The following KHDRBS2 variants were observed in gnomAD, a reference collection of about 807,000 sequenced individuals.
KHDRBS2 encodes KH domain-containing, RNA-binding, signal transduction-associated protein 2.
KHDRBS2 carries 26 observed loss-of-function variants against 44.3 expected under a neutral mutation model. The ratio of observed to expected loss-of-function variants is 0.59; its 90% confidence interval spans 0.43 to 0.81. The LOEUF (loss-of-function observed/expected upper bound fraction) is 0.81, where lower values mean the gene tolerates loss of function less well. KHDRBS2 is among the 40% of genes least tolerant of loss of function. The pLI is 0.00. For missense variants in KHDRBS2, 476 were observed against 433.1 expected, an observed-to-expected ratio of 1.10 and a Z score of -0.88; for synonymous variants, 194 against 151.1, an observed-to-expected ratio of 1.28 and a Z score of -2.08.
intron 2 of KHDRBS2, among the ~76,000 whole-genome samples, chr6:62,154,290 C>T (rs1232478392): frequency 1.3e-5 from 2 of 152,120 alleles, no homozygotes; most frequent in Non-Finnish European, 2.9e-5. Flanking sequence ...TGGATAGCTC[C>T]CTTTCCCATC....
chr6:61,706,553 T>C (rs1307280015), intron 7 of KHDRBS2, among the ~76,000 whole-genome samples: 1 of 151,738 alleles, frequency 6.6e-6, no homozygotes, highest in East Asian at 1.9e-4. Flanking sequence ...TCATTCTCTT[T>C]TACTACTTCT....
chr6:61,903,899 A>G (rs1804504341), intron 4 of KHDRBS2, among the ~76,000 whole-genome samples: 1 of 152,162 alleles, frequency 6.6e-6, no homozygotes, highest in Admixed American at 6.5e-5. Flanking sequence ...TGAGGATTGA[A>G]TCTCCAGATA....
the KHDRBS2 span, among the ~76,000 whole-genome samples, chr6:61,544,358 C>G: frequency 6.6e-6 from 1 of 152,012 alleles, no homozygotes; most frequent in Non-Finnish European, 1.5e-5. Flanking sequence ...AACTAAGAGT[C>G]TTATGGAACC....
chr6:61,950,469 G>A (rs1037626980), intron 4 of KHDRBS2, among the ~76,000 whole-genome samples: 5 of 151,864 alleles, frequency 3.3e-5, no homozygotes, highest in Non-Finnish European at 5.9e-5. Flanking sequence ...TATAGATAGA[G>A]CTTCCTTATG....
chr6:62,013,702 G>T (rs1221990714), intron 3 of KHDRBS2, among the ~76,000 whole-genome samples: 1 of 152,114 alleles, frequency 6.6e-6, no homozygotes, highest in Non-Finnish European at 1.5e-5. Flanking sequence ...GCCTTTACAG[G>T]CATCCGTCCT....
At chr6:62,139,928 T>C (rs888696778) in intron 2 of KHDRBS2, among the ~76,000 whole-genome samples, 4 of 152,010 alleles carry the variant, frequency 2.6e-5, no homozygotes, top group Non-Finnish European at 2.9e-5. Flanking sequence ...CCTTTCGCTT[T>C]TGTCCTGAGA....
intron 2 of KHDRBS2, among the ~76,000 whole-genome samples, chr6:62,129,736 T>C (rs559941021): frequency 1.7e-4 from 26 of 152,272 alleles, no homozygotes; most frequent in Admixed American, 9.8e-4. Context: ...TCACTTTTAC[T>C]AGCCATATTT....
intron 1 of KHDRBS2, among the ~76,000 whole-genome samples, chr6:62,237,621 T>C (rs1457008218): frequency 6.6e-6 from 1 of 152,186 alleles, no homozygotes; most frequent in Non-Finnish European, 1.5e-5. Context: ...ATTATAAAAG[T>C]ATTTTATAAT....
chr6:61,771,944 A>T (rs1180911243), intron 6 of KHDRBS2, among the ~76,000 whole-genome samples: 1 of 152,062 alleles, frequency 6.6e-6, no homozygotes, highest in Admixed American at 6.6e-5. Flanking sequence ...GAAGTAAAGC[A>T]CTCTTCAGCA....
the KHDRBS2 span, among the ~76,000 whole-genome samples, chr6:61,624,189 G>A: frequency 6.6e-6 from 1 of 152,142 alleles, no homozygotes; most frequent in African/African-American, 2.4e-5. Context: ...CAGACAAAAC[G>A]ATTTGTCCAG....
rs1812778837 is a variant in KHDRBS2, at chr6:61,944,407, A to G, written c.483+33659T>C. ...TTAAGTGAAGTAATCAGGGCACAGA[A>G]GGATAAATACTACATTTGCATGCAT... On this transcript the variant is annotated intron_variant, in intron 4 of 8. Coordinates refer to ENST00000281156, the MANE Select transcript of KHDRBS2 (RefSeq NM_152688.4). Among the ~76,000 whole-genome samples, 6 of 152,260 alleles carry G rather than the reference A, an allele frequency of 3.9e-5. No individual in the cohort carries two copies. In the South Asian group the frequency reaches 1.2e-3, roughly 32 times the overall value.
At chr6:61,661,274 G>C in the KHDRBS2 span, 14 of 151,788 alleles carry the variant, frequency 9.2e-5, no homozygotes, top group African/African-American at 3.1e-4. Flanking sequence ...ATAGATGAAG[G>C]GACTCACCTC....
chr6:62,275,051 T>A (rs567976795), intron 1 of KHDRBS2, among the ~76,000 whole-genome samples: 3 of 138,828 alleles, frequency 2.2e-5, no homozygotes, highest in Admixed American at 7.2e-5. Flanking sequence ...ACATATATAT[T>A]CCACTCATTT....
At chr6:62,146,434 A>G (rs1161781823) in intron 2 of KHDRBS2, among the ~76,000 whole-genome samples, 3 of 151,068 alleles carry the variant, frequency 2.0e-5, no homozygotes, top group Admixed American at 1.3e-4. Flanking sequence ...ATTAAATCTT[A>G]TTTTTAAGTA....
intron 2 of KHDRBS2, among the ~76,000 whole-genome samples, chr6:62,096,687 T>G (rs1164593553): frequency 6.6e-6 from 1 of 151,896 alleles, no homozygotes; most frequent in Non-Finnish European, 1.5e-5. Context: ...TTGATTTTTT[T>G]GTATAGATTT....
chr6:61,932,725 G>A (rs1193533435), intron 4 of KHDRBS2, among the ~76,000 whole-genome samples: 2 of 152,070 alleles, frequency 1.3e-5, no homozygotes, highest in African/African-American at 2.4e-5. Flanking sequence ...ACCGGGAGGC[G>A]GAGTTTGCAG....
rs1562513950 is a variant in KHDRBS2, at chr6:61,954,856, G to GTGTATATATGTA, written c.483+23209_483+23210insTACATATATACA. Among the ~76,000 whole-genome samples, 35 of 40,812 alleles carry GTGTATATATGTA rather than the reference G, an allele frequency of 8.6e-4. 6 individuals are homozygous for GTGTATATATGTA. The highest frequency in any genetic ancestry group is 3.3e-3 in the African/African-American group (34 of 10,190). 26.8% of individuals were successfully genotyped at this position (40,812 alleles called of 152,430 possible). ...CATATGTATGTATACATATGCATGT[G>GTGTATATATGTA]TATATACACATACATATGTGTATAT... On this transcript the variant is annotated intron_variant, in intron 4 of 8. Transcript: ENST00000281156.
At chr6:61,727,135 T>C (rs955300734) in intron 7 of KHDRBS2, among the ~76,000 whole-genome samples, 2 of 152,086 alleles carry the variant, frequency 1.3e-5, no homozygotes, top group African/African-American at 4.8e-5. Flanking sequence ...TACAACCATC[T>C]GATCTTCTGA....
intron 2 of KHDRBS2, among the ~76,000 whole-genome samples, chr6:62,068,869 G>C (rs1394160340): frequency 6.6e-6 from 1 of 151,566 alleles, no homozygotes; most frequent in South Asian, 2.1e-4. Context: ...TAATCTTTAT[G>C]CTAATACCAA....
Sources: gnomAD v4.1 joint callset for allele counts (sites outside exome capture counted in the v4.1 genomes callset) on GRCh38, gnomAD v4.1.1 for gene constraint, MANE v1.5 for transcripts, NCBI Gene and HGNC (gene_info 2026-07-23, HGNC 2026-07-21) for gene names.